Variants in SLC38A6 observed in about 807,000 individuals in gnomAD.
SLC38A6 encodes the protein solute carrier family 38 member 6.
A neutral mutation model predicts 65.0 loss-of-function variants in SLC38A6; 73 were observed. The observed-to-expected ratio is 1.12, with a 90% confidence interval of 0.93 to 1.37. The LOEUF (loss-of-function observed/expected upper bound fraction) is 1.37, where lower values mean the gene tolerates loss of function less well. SLC38A6 is among the 40% of genes most tolerant of loss of function. The probability of loss-of-function intolerance (pLI) is 0.00; values close to 1 mark genes in which losing one functional copy is unlikely to be tolerated. For synonymous variants in SLC38A6, 183 were observed against 178.8 expected (o/e 1.02, Z -0.19); for missense variants, 561 against 531.1 (o/e 1.06, Z -0.55).
intron 6 of SLC38A6, among the ~76,000 whole-genome samples, chr14:61,035,416 A>T (rs2041288121): frequency 6.6e-6 from 1 of 152,102 alleles, no homozygotes; most frequent in Non-Finnish European, 1.5e-5. Flanking sequence ...CATTCCATTG[A>T]GTATGCTGTT....
chr14:61,033,149 A>T (rs1218811118), intron 6 of SLC38A6, among the ~76,000 whole-genome samples: 5 of 151,988 alleles, frequency 3.3e-5, no homozygotes, highest in African/African-American at 1.2e-4. Context: ...GACACAATTA[A>T]GTTGTCTTGC....
chr14:60,981,569 A>G, intron 1 of SLC38A6, 187 bp downstream of exon 1: 10 of 1,525,006 alleles, frequency 6.6e-6, no homozygotes, highest in Non-Finnish European at 8.8e-6. Flanking sequence ...TGAACGTGAT[A>G]GCAGCCTAGC....
intron 3 of SLC38A6, among the ~76,000 whole-genome samples, chr14:61,013,849 A>G (rs915837213): frequency 1.3e-5 from 2 of 152,068 alleles, no homozygotes; most frequent in Admixed American, 1.3e-4. Context: ...GGTGAATCTG[A>G]CAATTATATG....
rs759165940 is a variant in SLC38A6 at position 61,046,137 on chromosome 14, T to A, written c.895T>A (p.Ser299Thr). ...TTTAAGTTTTCTCATTTATTTTATA[T>A]CTGCACTCTTTGGGTACCTCACTTT... ...IALSFLIYFI[S>T]ALFGYLTFYD... is the part of the protein sequence containing the mutation. Residue 299 changes from serine (S) to threonine (T), a missense_variant, in exon 12 of 16, where the codon TCT (serine) becomes ACT (threonine). Physicochemically the swap from Ser to Thr is moderately conservative, Grantham distance 58 (BLOSUM62 1). Coordinates refer to ENST00000267488, the MANE Select transcript of SLC38A6 (RefSeq NM_153811.3). 6.2e-7 allele frequency: 1 copy of A among 1,608,000 alleles called. No homozygotes were observed. The highest frequency in any genetic ancestry group is 1.1e-5 in the South Asian group (1 of 90,630).
At chr14:60,988,523 A>C (rs2037624654) in intron 3 of SLC38A6, among the ~76,000 whole-genome samples, 1 of 152,036 alleles carries the variant, frequency 6.6e-6, no homozygotes, top group Non-Finnish European at 1.5e-5. Flanking sequence ...TTCTCTACCT[A>C]CACTGGCCAC....
intron 3 of SLC38A6, among the ~76,000 whole-genome samples, chr14:60,993,585 C>T (rs924049569): frequency 4.6e-5 from 7 of 152,164 alleles, no homozygotes; most frequent in South Asian, 2.1e-4. Flanking sequence ...TCTACTTTCA[C>T]TTAAGGGATT....
chr14:61,040,909 G>A (rs1428042933), intron 8 of SLC38A6, among the ~76,000 whole-genome samples: 2 of 152,148 alleles, frequency 1.3e-5, no homozygotes, highest in African/African-American at 4.8e-5. Context: ...TCTAGTAGGG[G>A]AGATAAATTT....
chr14:60,988,191 G>C (rs116708366), intron 3 of SLC38A6, among the ~76,000 whole-genome samples: 82 of 152,264 alleles, frequency 5.4e-4, no homozygotes, highest in African/African-American at 1.9e-3. Context: ...TTCTCTTTAT[G>C]TCTCTCATAC....
At chr14:61,037,038 G>A in intron 6 of SLC38A6, 21 bp from the exon 7 acceptor site, 2 of 1,508,130 alleles carry the variant, frequency 1.3e-6, no homozygotes, top group Non-Finnish European at 1.8e-6. Context: ...CATGCCTAAA[G>A]TAGAACTTTT....
intron 16 of SLC38A6, among the ~76,000 whole-genome samples, chr14:61,079,180 C>T (rs574362160): frequency 6.8e-6 from 1 of 148,006 alleles, no homozygotes; most frequent in East Asian, 2.0e-4. Context: ...CTCTGTCGCC[C>T]AGGCTGGAGT....
intron 12 of SLC38A6, among the ~76,000 whole-genome samples, chr14:61,047,715 G>C (rs1031455606): frequency 2.0e-5 from 3 of 152,034 alleles, no homozygotes; most frequent in Non-Finnish European, 4.4e-5. Context: ...GAACACAAAG[G>C]CTAAAGGTTT....
At chr14:61,037,313 G>A (rs1306575444) in intron 7 of SLC38A6, among the ~76,000 whole-genome samples, 172 bp downstream of exon 7, 1 of 152,132 alleles carries the variant, frequency 6.6e-6, no homozygotes, top group Non-Finnish European at 1.5e-5. Flanking sequence ...TCAGCCTTCA[G>A]CCCTGCCTAG....
chr14:61,069,674 T>G (rs924601255), intron 15 of SLC38A6, among the ~76,000 whole-genome samples: 1 of 152,214 alleles, frequency 6.6e-6, no homozygotes, highest in African/African-American at 2.4e-5. Flanking sequence ...CCTTATTATC[T>G]GTATGATTAT....
chr14:61,013,198 G>C (rs2039714602), intron 3 of SLC38A6, among the ~76,000 whole-genome samples: 1 of 152,096 alleles, frequency 6.6e-6, no homozygotes, highest in South Asian at 2.1e-4. Flanking sequence ...CAGAGACTAG[G>C]ATTGCAACCC....
chr14:61,049,901 A>T lies in SLC38A6; in HGVS notation c.926-611A>T, dbSNP rs116765295. On this transcript the variant is annotated intron_variant, in intron 12 of 15. Coordinates refer to ENST00000267488, the MANE Select transcript of SLC38A6 (RefSeq NM_153811.3). ...GAGCAAAGCTTGGTCGGCATGTATA[A>T]ATCCTATTGCTGACCACCACACACT... Among the ~76,000 whole-genome samples the T allele has an allele frequency of 7.2e-3, 1,094 of 152,230 alleles. 18 individuals carry two copies. The highest frequency in any genetic ancestry group is 0.025 in the African/African-American group (1,040 of 41,546).
At chr14:61,033,224 GTTCCA>G (rs2041123269) in intron 6 of SLC38A6, among the ~76,000 whole-genome samples, 1 of 151,942 alleles carries the variant, frequency 6.6e-6, no homozygotes, top group East Asian at 1.9e-4. Context: ...TGATACTCTT[GTTCCA>G]TTCCTTTCGA....
At chr14:61,006,224 C>G (rs2039105028) in intron 3 of SLC38A6, among the ~76,000 whole-genome samples, 1 of 152,086 alleles carries the variant, frequency 6.6e-6, no homozygotes, top group South Asian at 2.1e-4. Context: ...CCATAAAAAC[C>G]CTAGAAGAAA....
intron 3 of SLC38A6, among the ~76,000 whole-genome samples, chr14:61,010,905 T>C (rs2039511311): frequency 6.6e-6 from 1 of 152,180 alleles, no homozygotes; most frequent in Admixed American, 6.5e-5. Flanking sequence ...AGTAGTTTTT[T>C]CCAATTCTGT....
At chr14:61,023,636 A>G (rs1595119371) in intron 5 of SLC38A6, among the ~76,000 whole-genome samples, 1 of 150,562 alleles carries the variant, frequency 6.6e-6, no homozygotes, top group African/African-American at 2.4e-5. Context: ...TAAAATATCT[A>G]TTATTTTCAG....
Sources: gnomAD v4.1 joint callset for allele counts (sites outside exome capture counted in the v4.1 genomes callset) on GRCh38, gnomAD v4.1.1 for gene constraint, MANE v1.5 for transcripts, NCBI Gene and HGNC (gene_info 2026-07-23, HGNC 2026-07-21) for gene names.